Variants in PALM observed in about 807,000 individuals in gnomAD.
The protein encoded by PALM is paralemmin-1.
In PALM, 18 loss-of-function variants were observed where a neutral mutation model predicts 30.7. The ratio of observed to expected loss-of-function variants is 0.59; its 90% confidence interval spans 0.41 to 0.87. PALM has a LOEUF of 0.87. Ranked by LOEUF, PALM falls within the 40% of genes least tolerant of loss-of-function variation. The probability of loss-of-function intolerance (pLI) is 0.00; values close to 1 mark genes in which losing one functional copy is unlikely to be tolerated. For missense variants in PALM, 529 were observed against 555.4 expected (o/e 0.95, Z 0.48); for synonymous variants, 286 against 242.8 (o/e 1.18, Z -1.66).
At chr19:739,683 T>C (rs1326655324) in intron 7 of PALM, among the ~76,000 whole-genome samples, 1 of 151,874 alleles carries the variant, frequency 6.6e-6, no homozygotes, top group Non-Finnish European at 1.5e-5. Context: ...CCTGTATCTA[T>C]TTAAATAATA....
chr19:737,927 C>T (rs928406201), intron 7 of PALM, among the ~76,000 whole-genome samples: 2 of 152,132 alleles, frequency 1.3e-5, no homozygotes, highest in African/African-American at 4.8e-5. Flanking sequence ...CGACTCCGTG[C>T]TCACCCACGC....
intron 8 of PALM, among the ~76,000 whole-genome samples, chr19:741,084 AGCCGTGATC>A (rs1354116594): frequency 1.3e-5 from 2 of 151,890 alleles, no homozygotes; most frequent in Non-Finnish European, 2.9e-5. Context: ...GGCTGTAGTG[AGCCGTGATC>A]GCACCACTGC....
Position 746,954 on chromosome 19 carries a change from C to G in PALM, c.*140C>G, listed in dbSNP as rs1192814823. 1 of 628,554 alleles carries G rather than the reference C, an allele frequency of 1.6e-6. No homozygotes were observed. The highest frequency in any genetic ancestry group is 2.7e-6 in the Non-Finnish European group (1 of 364,364). 38.9% of individuals were successfully genotyped at this position (628,554 alleles called of 1,614,324 possible). A position where few individuals can be genotyped will look rare whatever the true frequency, so the allele number is the denominator to read the frequency against. ...TTGTTACATGTTCCTTCCGAGTTTT[C>G]TTTCGCTGGAAAGAGGGACAGGGGC... is the stretch of plus-strand genomic sequence containing the variant. On this transcript the variant is annotated 3_prime_UTR_variant, in exon 9 of 9. Coordinates refer to ENST00000338448, the MANE Select transcript of PALM (RefSeq NM_002579.3). The surrounding 1 kb of genome is among the most constrained non-coding windows in gnomAD (Gnocchi z 7.1).
intron 7 of PALM, among the ~76,000 whole-genome samples, chr19:737,654 A>G (rs995542261): frequency 6.6e-6 from 1 of 152,172 alleles, no homozygotes; most frequent in Non-Finnish European, 1.5e-5. Flanking sequence ...GAAGGTGTCC[A>G]AGGCACGCAG....
chr19:710,702 C>A (rs2032049660), intron 1 of PALM, among the ~76,000 whole-genome samples: 1 of 141,426 alleles, frequency 7.1e-6, no homozygotes, highest in Admixed American at 7.1e-5. Flanking sequence ...CGGGGGGCCT[C>A]GGTGCCTCCT....
Position 746,835 on chromosome 19 carries a change from C to T in PALM, c.*21C>T, listed in dbSNP as rs1383337579. On this transcript the variant is annotated 3_prime_UTR_variant, in exon 9 of 9. Transcript: ENST00000338448. The surrounding 1 kb of genome is among the most constrained non-coding windows in gnomAD (Gnocchi z 7.1). ...TGTGAGCCGGCCCCCGAGACCCCGG[C>T]CCCCACCCCACACCACAGACACCCA... is the stretch of plus-strand genomic sequence containing the variant. 2.8e-6 allele frequency: 4 copies of T among 1,418,160 alleles called. No individual in the cohort carries two copies. In the East Asian group the frequency reaches 7.5e-5, roughly 26 times the overall value. 87.8% of individuals were successfully genotyped at this position (1,418,160 alleles called of 1,614,324 possible). A position where few individuals can be genotyped will look rare whatever the true frequency, so the allele number is the denominator to read the frequency against.
At position 742,605 on chromosome 19, in the gene PALM, CAA is replaced by C. The variant is rs893995885; in HGVS notation, c.634+2135_634+2136del. On this transcript the variant is annotated intron_variant, in intron 8 of 8. Coordinates refer to ENST00000338448, the MANE Select transcript of PALM (RefSeq NM_002579.3). The surrounding 1 kb of genome is among the most constrained non-coding windows in gnomAD (Gnocchi z 5.5). ...GTGCGACAAGAGTGAAACTCTGTCT[CAA>C]AAAAAAAAAAAAGAAAGAAAAGAGA... Among the ~76,000 whole-genome samples, 3 of 57,660 alleles carry C rather than the reference CAA, an allele frequency of 5.2e-5. No homozygotes were observed. Among genetic ancestry groups the C allele is most frequent in the South Asian group, 7.3e-4 (1 of 1,364 alleles). The allele number at this position is 57,660 out of a possible 152,430, so 37.8% of individuals were successfully genotyped here.
intron 8 of PALM, among the ~76,000 whole-genome samples, chr19:745,246 A>T (rs1203946040): frequency 6.6e-6 from 1 of 152,210 alleles, no homozygotes; most frequent in Non-Finnish European, 1.5e-5. Flanking sequence ...TGTAGAAGAG[A>T]AACAGGCCCC....
At chr19:723,600 T>G (rs527786064) in intron 1 of PALM, among the ~76,000 whole-genome samples, 1 of 151,570 alleles carries the variant, frequency 6.6e-6, no homozygotes, top group East Asian at 2.0e-4. Context: ...TGTTTTGTTT[T>G]GTTTTGTTTT....
intron 5 of PALM, 58 bp from the exon 6 acceptor site, chr19:734,115 C>A: frequency 6.3e-7 from 1 of 1,582,474 alleles, no homozygotes; most frequent in Non-Finnish European, 8.7e-7. Flanking sequence ...CCCCATGGCT[C>A]CCCTTCCTCT....
chr19:735,090 G>A (rs2144903589), intron 6 of PALM: 1 of 978,410 alleles, frequency 1.0e-6, no homozygotes, highest in East Asian at 1.1e-4. Context: ...GGATTTTCTA[G>A]GGGTTGCGGT....
chr19:727,300 C>G (rs2032716063), intron 3 of PALM, among the ~76,000 whole-genome samples: 4 of 150,816 alleles, frequency 2.7e-5, no homozygotes, highest in Admixed American at 2.0e-4. Flanking sequence ...GACCCTGACC[C>G]CGACCCTGAC....
chr19:709,601 G>A lies in PALM; in HGVS notation c.5+450G>A, dbSNP rs185023828. ...CCCCAGTCTGAGCGCACGGCTCCTGGCGCCCTGGACGCGCGCGCGGGCCGG... is the reference window on the plus strand; with the variant it reads ...CCCCAGTCTGAGCGCACGGCTCCTGACGCCCTGGACGCGCGCGCGGGCCGG... On this transcript the variant is annotated intron_variant, in intron 1 of 8. Transcript: ENST00000338448. The surrounding 1 kb of genome is among the most constrained non-coding windows in gnomAD (Gnocchi z 4.3). Among the ~76,000 whole-genome samples, 1,596 of 151,960 alleles carry A rather than the reference G, an allele frequency of 0.011. 76 individuals are homozygous for A. Among genetic ancestry groups the A allele is most frequent in the Admixed American group, 0.081 (1,234 of 15,290 alleles).
At chr19:716,789 C>T (rs997071268) in intron 1 of PALM, among the ~76,000 whole-genome samples, 39 of 152,124 alleles carry the variant, frequency 2.6e-4, no homozygotes, top group African/African-American at 8.7e-4. Flanking sequence ...TACACATGCA[C>T]GTATACACAC....
chr19:721,341 C>T (rs907460090), intron 1 of PALM, among the ~76,000 whole-genome samples: 1 of 152,126 alleles, frequency 6.6e-6, no homozygotes, highest in Non-Finnish European at 1.5e-5. Flanking sequence ...TCTCGGCTCA[C>T]TGCAACCTCC....
intron 1 of PALM, among the ~76,000 whole-genome samples, chr19:715,104 A>C (rs959234795): frequency 6.6e-6 from 1 of 152,154 alleles, no homozygotes; most frequent in Non-Finnish European, 1.5e-5. Context: ...TCTCTACTAA[A>C]AATACAAAAA....
chr19:713,311 G>A (rs550298530), intron 1 of PALM, among the ~76,000 whole-genome samples: 18 of 152,226 alleles, frequency 1.2e-4, no homozygotes, highest in African/African-American at 3.4e-4. Context: ...CATCCACGCC[G>A]TTCTGTGATT....
chr19:741,605 C>T (rs1485719075), intron 8 of PALM, among the ~76,000 whole-genome samples: 3 of 151,546 alleles, frequency 2.0e-5, no homozygotes, highest in Non-Finnish European at 4.4e-5. Context: ...AGTTGAGGAG[C>T]TGGGCTCACG....
chr19:747,978 C>G lies in PALM; in HGVS notation c.*1164C>G, dbSNP rs759594300. The G allele has an allele frequency of 1.3e-5, 2 of 152,620 alleles. No individual in the cohort carries two copies. The highest frequency in any genetic ancestry group is 2.9e-5 in the Non-Finnish European group (2 of 68,092). The allele number at this position is 152,620 out of a possible 1,614,324, so 9.5% of individuals were successfully genotyped here. ...TTGGCTTTGGACAACCAGGCCCCAA[C>G]TTGGTCCCTGCCCTAGGGACCTCCA... On this transcript the variant is annotated 3_prime_UTR_variant, in exon 9 of 9. Coordinates refer to ENST00000338448, the MANE Select transcript of PALM (RefSeq NM_002579.3).
Sources: allele counts gnomAD v4.1 joint callset (sites outside exome capture counted in the v4.1 genomes callset), GRCh38; gene constraint gnomAD v4.1.1; non-coding constraint Gnocchi (gnomAD v3.1); transcripts MANE v1.5; gene names NCBI Gene and HGNC (gene_info 2026-07-23, HGNC 2026-07-21).